Variants in FSTL4 observed in about 807,000 individuals in gnomAD.
FSTL4 encodes follistatin like 4, also known as follistatin-related protein 4.
A neutral mutation model predicts 78.2 loss-of-function variants in FSTL4; 28 were observed. The ratio of observed to expected loss-of-function variants is 0.36; its 90% confidence interval spans 0.27 to 0.49. FSTL4 has a LOEUF of 0.49. Ranked by LOEUF, FSTL4 falls within the 20% of genes least tolerant of loss-of-function variation. FSTL4 has a pLI of 0.98. For missense variants in FSTL4, 922 were observed against 1,084.9 expected (o/e 0.85, Z 2.11); for synonymous variants, 422 against 440.5 (o/e 0.96, Z 0.53).
chr5:133,456,544 C>T (rs1757495045), intron 3 of FSTL4, among the ~76,000 whole-genome samples: 1 of 152,216 alleles, frequency 6.6e-6, no homozygotes, highest in Admixed American at 6.5e-5. Flanking sequence ...AAGACCCAGA[C>T]ACAGGCTTTC....
At chr5:133,230,447 G>A (rs1751459765) in intron 8 of FSTL4, among the ~76,000 whole-genome samples, 1 of 152,184 alleles carries the variant, frequency 6.6e-6, no homozygotes, top group South Asian at 2.1e-4. Context: ...GCAAGTCAAG[G>A]GTGTGGAATG....
chr5:133,274,048 A>C (rs148467689), intron 6 of FSTL4, among the ~76,000 whole-genome samples: 96 of 152,352 alleles, frequency 6.3e-4, no homozygotes, highest in African/African-American at 2.3e-3. Context: ...TAATGCCTGC[A>C]CTTTGAGGCC....
rs555972247 is a variant in FSTL4, at chr5:133,408,242, T to C, written c.161-7256A>G. 2.0e-5 allele frequency among the ~76,000 whole-genome samples: 3 copies of C among 152,222 alleles called. No homozygotes were observed. The East Asian group carries it at 5.8e-4, about 29-fold the overall frequency. On this transcript the variant is annotated intron_variant, in intron 3 of 15. Transcript: ENST00000265342. ...GAGGGAGGACTTGCCACCCTCTTTT[T>C]CCCTTATTCCCAAGTTTTGGATAAT...
At chr5:133,597,176 G>A (rs1193363223) in intron 2 of FSTL4, among the ~76,000 whole-genome samples, 1 of 152,220 alleles carries the variant, frequency 6.6e-6, no homozygotes, top group Non-Finnish European at 1.5e-5. Context: ...AGGAGCCAGT[G>A]GCAGAGACCA....
chr5:133,430,424 T>C (rs554244406), intron 3 of FSTL4, among the ~76,000 whole-genome samples: 1 of 152,292 alleles, frequency 6.6e-6, no homozygotes, highest in Admixed American at 6.5e-5. Context: ...CAGTGATGTT[T>C]GTTGCCATGG....
chr5:133,562,232 G>A (rs1211346476), intron 3 of FSTL4, among the ~76,000 whole-genome samples: 1 of 152,150 alleles, frequency 6.6e-6, no homozygotes, highest in African/African-American at 2.4e-5. Context: ...TTATTAATCT[G>A]TTTCATTGAA....
At chr5:133,415,809 G>A (rs569127301) in intron 3 of FSTL4, among the ~76,000 whole-genome samples, 2 of 152,260 alleles carry the variant, frequency 1.3e-5, no homozygotes, top group Non-Finnish European at 2.9e-5. Flanking sequence ...AGGACAGTGG[G>A]AACTAGGTTT....
At chr5:133,277,283 A>C (rs973155477) in intron 6 of FSTL4, among the ~76,000 whole-genome samples, 1 of 152,080 alleles carries the variant, frequency 6.6e-6, no homozygotes, top group African/African-American at 2.4e-5. Flanking sequence ...ATTGCACTCC[A>C]GACTGGGCAA....
At chr5:133,549,663 G>T (rs959363149) in intron 3 of FSTL4, among the ~76,000 whole-genome samples, 1 of 152,180 alleles carries the variant, frequency 6.6e-6, no homozygotes, top group Non-Finnish European at 1.5e-5. Context: ...TACTGAAGAA[G>T]AGTTCTTTTA....
In FSTL4 at chr5:133,507,523, A is replaced by AT. The variant is rs35891659; in HGVS notation, c.160+59662dup. 6.9e-3 allele frequency among the ~76,000 whole-genome samples: 937 copies of AT among 136,190 alleles called. 12 individuals are homozygous for AT. Among genetic ancestry groups the AT allele is most frequent in the East Asian group, 8.1e-3 (38 of 4,664 alleles). The allele number at this position is 136,190 out of a possible 152,430, so 89.3% of individuals were successfully genotyped here. A position where few individuals can be genotyped will look rare whatever the true frequency, so the allele number is the denominator to read the frequency against. ...ATTCAAACAACGGAGACTTGAAAGCATTTTTTTTTTTTTTTTTTGATACTG... is the reference window on the plus strand; with the variant it reads ...ATTCAAACAACGGAGACTTGAAAGCATTTTTTTTTTTTTTTTTTTGATACTG... On this transcript the variant is annotated intron_variant, in intron 3 of 15. Transcript: ENST00000265342.
chr5:133,509,545 G>A (rs1313136202), intron 3 of FSTL4, among the ~76,000 whole-genome samples: 1 of 152,142 alleles, frequency 6.6e-6, no homozygotes, highest in Non-Finnish European at 1.5e-5. Flanking sequence ...CCTTTTAAGG[G>A]GTTGAGACCA....
chr5:133,289,095 C>A (rs1355168703), intron 6 of FSTL4, among the ~76,000 whole-genome samples: 7 of 152,304 alleles, frequency 4.6e-5, no homozygotes, highest in Non-Finnish European at 8.8e-5. Context: ...GGTCAGATCC[C>A]AGCTGCCCTT....
chr5:133,443,827 C>G (rs1561718943), intron 3 of FSTL4, among the ~76,000 whole-genome samples: 2 of 152,354 alleles, frequency 1.3e-5, no homozygotes, highest in Non-Finnish European at 2.9e-5. Flanking sequence ...CCCACTACCC[C>G]ATATGGGGCT....
chr5:133,566,152 T>G (rs1331963491), intron 3 of FSTL4, among the ~76,000 whole-genome samples: 1 of 152,192 alleles, frequency 6.6e-6, no homozygotes, highest in African/African-American at 2.4e-5. Flanking sequence ...ATTATCCAGA[T>G]CCTATGACCC....
At chr5:133,411,937 C>A (rs556845815) in intron 3 of FSTL4, among the ~76,000 whole-genome samples, 1 of 151,902 alleles carries the variant, frequency 6.6e-6, no homozygotes, top group Non-Finnish European at 1.5e-5. Flanking sequence ...AGGTGAAAAA[C>A]GGAAAAACCA....
At chr5:133,739,765 C>T in the FSTL4 span, among the ~76,000 whole-genome samples, 1 of 152,210 alleles carries the variant, frequency 6.6e-6, no homozygotes, top group African/African-American at 2.4e-5. Context: ...TAATACCTTC[C>T]TTCTGTGGAG....
chr5:133,684,490 C>T, the FSTL4 span, among the ~76,000 whole-genome samples: 50,665 of 152,132 alleles, frequency 0.33, 8,716 homozygotes, highest in East Asian at 0.41. Context: ...GACCTTCTCC[C>T]TTATCCCAGG....
chr5:133,290,549 T>A (rs566091240), intron 6 of FSTL4, among the ~76,000 whole-genome samples: 2 of 152,334 alleles, frequency 1.3e-5, no homozygotes, highest in East Asian at 3.9e-4. Flanking sequence ...GAGTTGTACT[T>A]TCCACTGGGT....
intron 3 of FSTL4, chr5:133,457,692 G>C (rs537591639): frequency 6.6e-6 from 1 of 152,326 alleles, no homozygotes; most frequent in East Asian, 1.9e-4. Flanking sequence ...CACCTACAAA[G>C]GAGTCGTCAG....
Sources: allele counts gnomAD v4.1 joint callset (sites outside exome capture counted in the v4.1 genomes callset), GRCh38; gene constraint gnomAD v4.1.1; transcripts MANE v1.5; gene names NCBI Gene and HGNC (gene_info 2026-07-23, HGNC 2026-07-21).